VPS45: variants seen among roughly 807,000 people sequenced by gnomAD.
The protein encoded by VPS45 is vacuolar protein sorting 45 homolog.
VPS45 carries 35 observed loss-of-function variants against 75.9 expected under a neutral mutation model. That is an observed-to-expected ratio of 0.46 (90% CI 0.35 to 0.61). The LOEUF is 0.61. Ranked by LOEUF, VPS45 falls within the 20% of genes least tolerant of loss-of-function variation. The pLI is 0.00. For missense variants in VPS45, 559 were observed against 685.9 expected (o/e 0.81, Z 2.07); for synonymous variants, 220 against 238.2 (o/e 0.92, Z 0.70).
intron 10 of VPS45, 89 bp downstream of exon 10, chr1:150,082,972 A>G: frequency 7.5e-7 from 1 of 1,339,964 alleles, no homozygotes; most frequent in Non-Finnish European, 1.0e-6. Flanking sequence ...CTTCTTCATC[A>G]ACATGGAATT....
At chr1:150,085,591 G>A (rs781982075) in intron 10 of VPS45, among the ~76,000 whole-genome samples, 1 of 152,028 alleles carries the variant, frequency 6.6e-6, no homozygotes, top group Non-Finnish European at 1.5e-5. Context: ...TCTTTTGTTT[G>A]ATAGTAAGTG....
chr1:150,085,819 T>C (rs587700787), intron 10 of VPS45, among the ~76,000 whole-genome samples: 2 of 152,216 alleles, frequency 1.3e-5, no homozygotes, highest in Admixed American at 1.3e-4. Context: ...GAAAATTTCA[T>C]TTAGAAAGAA....
chr1:150,077,460 A>G (rs782813093), intron 6 of VPS45: 9 of 704,700 alleles, frequency 1.3e-5, no homozygotes, highest in Non-Finnish European at 2.1e-5. Context: ...TTTTTGGTCC[A>G]GTTAAACCAC....
At chr1:150,081,782 C>T in intron 8 of VPS45, 102 bp from the exon 9 acceptor site, 1 of 742,928 alleles carries the variant, frequency 1.3e-6, no homozygotes, top group Non-Finnish European at 2.2e-6. Flanking sequence ...ATAGAATTTC[C>T]CTGCCCTTCA....
chr1:150,144,688 TAAC>T lies in VPS45; in HGVS notation c.1626-20_1626-18del. ...AGATGCTTTTGTTTTTTCCTTCAAGTAACCTCAAACTACTTATCAGTTTCCTAG... is the reference window on the plus strand; with the variant it reads ...AGATGCTTTTGTTTTTTCCTTCAAGTCTCAAACTACTTATCAGTTTCCTAG... On this transcript the variant is annotated intron_variant, in intron 14 of 14. Transcript: ENST00000644510. 1.3e-6 allele frequency: 2 copies of T among 1,588,836 alleles called. No homozygotes were observed. The highest frequency in any genetic ancestry group is 1.7e-6 in the Non-Finnish European group (2 of 1,166,834).
intron 13 of VPS45, 94 bp downstream of exon 13, chr1:150,093,742 A>C: frequency 7.0e-7 from 1 of 1,425,712 alleles, no homozygotes; most frequent in Non-Finnish European, 9.4e-7. Context: ...AGGTTATAGC[A>C]TTCTGCTGCT....
chr1:150,102,730 G>T (rs1053678595), intron 13 of VPS45, among the ~76,000 whole-genome samples: 3 of 152,138 alleles, frequency 2.0e-5, no homozygotes, highest in Non-Finnish European at 4.4e-5. Flanking sequence ...AACATGGATG[G>T]AGCTGGAGGC....
chr1:150,070,029 A>G (rs781816042), intron 2 of VPS45, among the ~76,000 whole-genome samples: 3 of 151,922 alleles, frequency 2.0e-5, no homozygotes, highest in South Asian at 2.1e-4. Flanking sequence ...TCAATCCGCT[A>G]TATTCCCCTT....
At chr1:150,083,033 A>G (rs1655803727) in intron 10 of VPS45, 150 bp downstream of exon 10, 1 of 802,064 alleles carries the variant, frequency 1.2e-6, no homozygotes, top group African/African-American at 1.8e-5. Context: ...TATTTAAGAT[A>G]GATCTATAAA....
At chr1:150,114,710 G>A (rs1202311240) in intron 14 of VPS45, among the ~76,000 whole-genome samples, 1 of 151,966 alleles carries the variant, frequency 6.6e-6, no homozygotes, top group African/African-American at 2.4e-5. Flanking sequence ...AGTTCAAGGA[G>A]TTCAGGCTGG....
chr1:150,100,517 AT>A (rs1297478629), intron 13 of VPS45, among the ~76,000 whole-genome samples: 2 of 152,228 alleles, frequency 1.3e-5, no homozygotes, highest in African/African-American at 4.8e-5. Context: ...AAACGCCAAA[AT>A]AGCCAAGGCA....
chr1:150,124,325 G>A (rs7530672), intron 14 of VPS45, among the ~76,000 whole-genome samples: 5,557 of 151,968 alleles, frequency 0.037, 332 homozygotes, highest in African/African-American at 0.12. Context: ...CAGACGTGGT[G>A]GCGTGCACAT....
chr1:150,130,716 T>C (rs1006748447), intron 14 of VPS45, among the ~76,000 whole-genome samples: 4 of 152,186 alleles, frequency 2.6e-5, no homozygotes, highest in African/African-American at 9.7e-5. Context: ...ACAAATATTG[T>C]TTGATATTGT....
At chr1:150,142,762 T>C in intron 14 of VPS45, 1 of 398,850 alleles carries the variant, frequency 2.5e-6, no homozygotes, top group Middle Eastern at 8.3e-4. Flanking sequence ...GCCTCCAGGC[T>C]CAAGCAATTC....
intron 14 of VPS45, among the ~76,000 whole-genome samples, chr1:150,129,623 C>T (rs1658710544): frequency 6.9e-6 from 1 of 144,608 alleles, no homozygotes; most frequent in Non-Finnish European, 1.5e-5. Flanking sequence ...GCAGTGACAC[C>T]ACCTCGGCTC....
At chr1:150,143,885 T>C (rs1326328558) in intron 14 of VPS45, among the ~76,000 whole-genome samples, 1 of 152,164 alleles carries the variant, frequency 6.6e-6, no homozygotes, top group Non-Finnish European at 1.5e-5. Flanking sequence ...TCTTCGTTTT[T>C]TAAAATGAGG....
chr1:150,077,490 A>G, intron 6 of VPS45, 179 bp from the exon 7 acceptor site: 2 of 674,158 alleles, frequency 3.0e-6, no homozygotes, highest in Non-Finnish European at 2.5e-6. Flanking sequence ...AGGGTTTCAT[A>G]TCCTAACCTC....
Position 150,093,609 on chromosome 1 carries a change from A to C in VPS45, c.1454A>C (p.Asn485Thr). Residue 485 changes from asparagine to threonine, a missense_variant, in exon 13 of 15, where the codon AAC (asparagine) becomes ACC (threonine). Coordinates refer to ENST00000644510, the MANE Select transcript of VPS45 (RefSeq NM_007259.5). ...DHLIKGRLKENLYPYLGPSTL... is the reference protein window; with the variant it reads ...DHLIKGRLKETLYPYLGPSTL... ...CTCATCAAAGGAAGGCTTAAGGAAA[A>C]CCTATATCCTTATTTAGGCCCCAGC... The C allele has an allele frequency of 6.2e-7, 1 of 1,613,916 alleles. No homozygotes were observed.
chr1:150,067,949 C>A lies in VPS45; in HGVS notation c.92C>A (p.Thr31Lys). 1 of 1,614,016 alleles carries A rather than the reference C, an allele frequency of 6.2e-7. No homozygotes were observed. Among genetic ancestry groups the A allele is most frequent in the Non-Finnish European group, 8.5e-7 (1 of 1,179,904 alleles). ...GMKVLLMDKE[T>K]TGIVSMVYTQ... ...AAAGTACTTCTCATGGATAAAGAGA[C>A]GGTGAGTTTGCTTTTGCTCAGCATT... is the stretch of plus-strand genomic sequence containing the variant. Residue 31 changes from threonine (T) to lysine (K), a missense_variant and splice_region_variant, in exon 1 of 15, where the codon ACG (threonine) becomes AAG (lysine). Physicochemically the swap from Thr to Lys is moderately conservative, Grantham distance 78 (BLOSUM62 -1). Coordinates refer to ENST00000644510, the MANE Select transcript of VPS45 (RefSeq NM_007259.5).
Sources: gnomAD v4.1 joint callset for allele counts (sites outside exome capture counted in the v4.1 genomes callset) on GRCh38, gnomAD v4.1.1 for gene constraint, MANE v1.5 for transcripts, NCBI Gene and HGNC (gene_info 2026-07-23, HGNC 2026-07-21) for gene names.